Variants in UNC5D observed in about 807,000 individuals in gnomAD.
UNC5D encodes netrin receptor UNC5D.
Under a neutral mutation model 105.4 loss-of-function variants are expected in UNC5D, and 39 were observed. The ratio of observed to expected loss-of-function variants is 0.37; its 90% confidence interval spans 0.29 to 0.48. The LOEUF (loss-of-function observed/expected upper bound fraction) is 0.48. Among genes scored for constraint, UNC5D ranks in the 20% least tolerant of loss-of-function variants. UNC5D has a pLI of 0.98. For missense variants in UNC5D, 991 were observed against 1,202.4 expected (o/e 0.82, Z 2.60); for synonymous variants, 452 against 450.4 (o/e 1.00, Z -0.04).
chr8:35,253,959 T>C (rs1803898173), intron 1 of UNC5D, among the ~76,000 whole-genome samples: 1 of 152,160 alleles, frequency 6.6e-6, no homozygotes, highest in Non-Finnish European at 1.5e-5. Flanking sequence ...CTGCAAACGT[T>C]TTTGTTTTTA....
intron 1 of UNC5D, among the ~76,000 whole-genome samples, chr8:35,538,395 TTATATATATATATATATA>T (rs10524805): frequency 0.035 from 2,891 of 82,414 alleles, 76 homozygotes; most frequent in South Asian, 0.057. Flanking sequence ...AAAAAAATAA[TTATATATATATATATATA>T]TATATATATA....
In UNC5D at chr8:35,248,059, A is replaced by G. The variant is rs1171099727; in HGVS notation, c.103+12172A>G. 1.3e-3 allele frequency among the ~76,000 whole-genome samples: 78 copies of G among 62,224 alleles called. 1 individual carries two copies. The highest frequency in any genetic ancestry group is 5.3e-3 in the African/African-American group (73 of 13,850). The allele number at this position is 62,224 out of a possible 152,430, so 40.8% of individuals were successfully genotyped here. A position where few individuals can be genotyped will look rare whatever the true frequency, so the allele number is the denominator to read the frequency against. On this transcript the variant is annotated intron_variant, in intron 1 of 16. Transcript: ENST00000404895. ...TATATATAAAATATATATAATATATAAATATATATTATATATAAAAAATAT... is the reference window on the plus strand; with the variant it reads ...TATATATAAAATATATATAATATATGAATATATATTATATATAAAAAATAT...
At chr8:35,263,495 T>C (rs370797556) in intron 1 of UNC5D, among the ~76,000 whole-genome samples, 208 of 152,240 alleles carry the variant, frequency 1.4e-3, no homozygotes, top group Middle Eastern at 3.4e-3. Context: ...CCTGGGTTCA[T>C]GTGAGCCTCA....
At chr8:35,579,113 A>G (rs929574943) in intron 3 of UNC5D, among the ~76,000 whole-genome samples, 2 of 152,220 alleles carry the variant, frequency 1.3e-5, no homozygotes, top group African/African-American at 4.8e-5. Flanking sequence ...CATTTTCTCC[A>G]CTGAAGGAAA....
At chr8:35,611,541 T>C (rs1344837121) in intron 4 of UNC5D, among the ~76,000 whole-genome samples, 1 of 152,238 alleles carries the variant, frequency 6.6e-6, no homozygotes, top group Non-Finnish European at 1.5e-5. Context: ...TTAGATAACT[T>C]ATAATAGGTC....
chr8:35,726,793 G>A, intron 10 of UNC5D: 1 of 509,924 alleles, frequency 2.0e-6, no homozygotes, highest in South Asian at 2.9e-5. Context: ...TGAAAGGTTT[G>A]GGTAGTCCCC....
chr8:35,750,754 C>G lies in UNC5D; in HGVS notation c.2108C>G (p.Ser703Cys). 6.2e-7 allele frequency: 1 copy of G among 1,614,108 alleles called. No homozygotes were observed. The highest frequency in any genetic ancestry group is 8.5e-7 in the Non-Finnish European group (1 of 1,180,016). Residue 703 changes from serine (S) to cysteine (C), a missense_variant, in exon 13 of 17, where the codon TCC (serine) becomes TGC (cysteine). This residue lies in a region of UNC5D where 944 missense variants were observed against 1,131.6 expected (regional missense o/e 0.83). Coordinates refer to ENST00000404895, the MANE Select transcript of UNC5D (RefSeq NM_080872.4). Reference protein sequence around the residue: ...VAVFGCMSCNSLDYNLRVYCV... With the variant: ...VAVFGCMSCNCLDYNLRVYCV... ...GTTTTTGGCTGCATGTCCTGTAACT[C>G]CCTGGATTACAACTTGAGAGTTTAC...
At chr8:35,278,423 T>C (rs1313701653) in intron 1 of UNC5D, among the ~76,000 whole-genome samples, 1 of 152,164 alleles carries the variant, frequency 6.6e-6, no homozygotes, top group African/African-American at 2.4e-5. Context: ...CCTTGTTCTT[T>C]TTGTTGTGAA....
At chr8:35,684,532 A>ATAGAG in intron 5 of UNC5D, 50 bp from the exon 6 acceptor site, 4 of 1,582,710 alleles carry the variant, frequency 2.5e-6, no homozygotes, top group Non-Finnish European at 3.4e-6. Context: ...GTAGGCAATC[A>ATAGAG]GTAAAAACCT....
intron 1 of UNC5D, among the ~76,000 whole-genome samples, chr8:35,405,343 T>C (rs1222030079): frequency 6.6e-6 from 1 of 152,172 alleles, no homozygotes; most frequent in African/African-American, 2.4e-5. Context: ...TGTATCCTAA[T>C]TAACATGTTG....
chr8:35,551,956 A>G (rs1816182933), intron 2 of UNC5D, among the ~76,000 whole-genome samples: 1 of 152,254 alleles, frequency 6.6e-6, no homozygotes, highest in African/African-American at 2.4e-5. Flanking sequence ...GAAGGACTAA[A>G]CATCTTATTT....
chr8:35,453,312 A>C (rs2128992635), intron 1 of UNC5D, among the ~76,000 whole-genome samples: 1 of 152,244 alleles, frequency 6.6e-6, no homozygotes, highest in Non-Finnish European at 1.5e-5. Context: ...ATCAAAATGG[A>C]GATTTAAGAT....
In UNC5D at chr8:35,235,518, G is replaced by A; in HGVS notation, c.-267G>A. On this transcript the variant is annotated 5_prime_UTR_variant, in exon 1 of 17. Transcript: ENST00000404895. Reference sequence around the variant, plus strand: ...CAGCGGCGCGAGGGCTGGGAACTGCGCGGCGGGGACTGCGGGCGACTCCGG... The same window carrying A: ...CAGCGGCGCGAGGGCTGGGAACTGCACGGCGGGGACTGCGGGCGACTCCGG... 3.1e-6 allele frequency: 1 copy of A among 327,348 alleles called. No individual in the cohort carries two copies. Among genetic ancestry groups the A allele is most frequent in the Non-Finnish European group, 5.5e-6 (1 of 181,010 alleles). 20.3% of individuals were successfully genotyped at this position (327,348 alleles called of 1,614,324 possible).
chr8:35,411,612 A>T, intron 1 of UNC5D, among the ~76,000 whole-genome samples: 1 of 152,086 alleles, frequency 6.6e-6, no homozygotes, highest in East Asian at 1.9e-4. Flanking sequence ...TCACCTATTT[A>T]AAGATGTCCA....
At chr8:35,612,422 G>A (rs1367427822) in intron 4 of UNC5D, among the ~76,000 whole-genome samples, 1 of 151,978 alleles carries the variant, frequency 6.6e-6, no homozygotes, top group Non-Finnish European at 1.5e-5. Flanking sequence ...GGTGGGGTGG[G>A]TAATTGGGGA....
Position 35,791,637 on chromosome 8 carries a change from T to G in UNC5D, c.*1074T>G, listed in dbSNP as rs1337536548. On this transcript the variant is annotated 3_prime_UTR_variant, in exon 17 of 17. Transcript: ENST00000404895. ...TCAGTAAGGCTATATGTGATCCTCA[T>G]TTTGCCTCTTGGGAAATTAGCAGAT... 1 of 152,132 alleles carries G rather than the reference T, an allele frequency of 6.6e-6. No individual in the cohort carries two copies. The highest frequency in any genetic ancestry group is 2.4e-5 in the African/African-American group (1 of 41,426). 9.4% of individuals were successfully genotyped at this position (152,132 alleles called of 1,614,324 possible).
intron 13 of UNC5D, among the ~76,000 whole-genome samples, chr8:35,757,705 A>G (rs559853258): frequency 9.2e-5 from 14 of 152,270 alleles, no homozygotes; most frequent in African/African-American, 3.4e-4. Context: ...TCTGATGGAA[A>G]TTTAGTAAAT....
At chr8:35,366,499 A>G (rs946581076) in intron 1 of UNC5D, among the ~76,000 whole-genome samples, 4 of 151,890 alleles carry the variant, frequency 2.6e-5, no homozygotes, top group African/African-American at 9.7e-5. Context: ...TCTGTTTTGT[A>G]TTTGTTTTGT....
chr8:35,275,789 T>C, intron 1 of UNC5D, among the ~76,000 whole-genome samples: 1 of 152,260 alleles, frequency 6.6e-6, no homozygotes, highest in South Asian at 2.1e-4. Flanking sequence ...TGATTTGCCT[T>C]TAACTTCAGT....
Sources: allele counts gnomAD v4.1 joint callset (sites outside exome capture counted in the v4.1 genomes callset), GRCh38; gene constraint gnomAD v4.1.1; regional missense constraint gnomAD v4.1.1; transcripts MANE v1.5; gene names NCBI Gene and HGNC (gene_info 2026-07-23, HGNC 2026-07-21).